Variants in BCAT1 observed in about 807,000 individuals in gnomAD.
The protein encoded by BCAT1 is branched chain amino acid transaminase 1, also known as branched-chain-amino-acid aminotransferase, cytosolic.
A neutral mutation model predicts 52.4 loss-of-function variants in BCAT1; 48 were observed. The ratio of observed to expected loss-of-function variants is 0.92; its 90% CI spans 0.73 to 1.16. BCAT1 has a LOEUF of 1.16. Among genes scored for constraint, BCAT1 ranks in the 50% most tolerant of loss-of-function variants. BCAT1 has a pLI of 0.00. For synonymous variants in BCAT1, 167 were observed against 161.3 expected (o/e 1.04, Z -0.27); for missense variants, 451 against 457.1 (o/e 0.99, Z 0.12).
chr12:24,837,625 C>T (rs1670094039), intron 7 of BCAT1, among the ~76,000 whole-genome samples: 1 of 151,852 alleles, frequency 6.6e-6, no homozygotes, highest in Admixed American at 6.6e-5. Flanking sequence ...CGGGGTTTCA[C>T]CATGTTGGTC....
chr12:24,832,159 C>G (rs1452141101), intron 9 of BCAT1, among the ~76,000 whole-genome samples: 1 of 152,136 alleles, frequency 6.6e-6, no homozygotes, highest in Admixed American at 6.5e-5. Context: ...AATGTAACTA[C>G]CTATAGAGCC....
chr12:24,895,028 A>G (rs887173297), intron 2 of BCAT1, among the ~76,000 whole-genome samples: 1 of 152,230 alleles, frequency 6.6e-6, no homozygotes, highest in Non-Finnish European at 1.5e-5. Flanking sequence ...AAAACAGGAA[A>G]GTTGAGAATG....
At chr12:24,847,501 C>T (rs1358363690) in intron 6 of BCAT1, among the ~76,000 whole-genome samples, 1 of 151,928 alleles carries the variant, frequency 6.6e-6, no homozygotes, top group Admixed American at 6.6e-5. Flanking sequence ...TTTCTGACTT[C>T]AAAGCTTGTA....
At chr12:24,938,548 A>T (rs1943802177) in intron 1 of BCAT1, among the ~76,000 whole-genome samples, 1 of 152,128 alleles carries the variant, frequency 6.6e-6, no homozygotes, top group African/African-American at 2.4e-5. Flanking sequence ...TTTAAGTCCC[A>T]GTGGTGTATT....
At chr12:24,874,924 T>C (rs1942285560) in intron 5 of BCAT1, among the ~76,000 whole-genome samples, 1 of 151,306 alleles carries the variant, frequency 6.6e-6, no homozygotes, top group African/African-American at 2.4e-5. Context: ...AAATATCTCT[T>C]GGACATAAGA....
At chr12:24,882,322 A>C (rs1942527346) in intron 3 of BCAT1, among the ~76,000 whole-genome samples, 1 of 152,226 alleles carries the variant, frequency 6.6e-6, no homozygotes, top group Admixed American at 6.5e-5. Context: ...GAAATTAGAA[A>C]ATAAGTTAAA....
intron 4 of BCAT1, 125 bp downstream of exon 4, chr12:24,881,176 A>T: frequency 1.4e-6 from 1 of 697,230 alleles, no homozygotes; most frequent in South Asian, 2.2e-5. Context: ...ATCAGAAATA[A>T]TGTTAATGTT....
intron 3 of BCAT1, among the ~76,000 whole-genome samples, chr12:24,888,355 C>T (rs748510942): frequency 2.6e-5 from 4 of 152,002 alleles, no homozygotes; most frequent in Admixed American, 6.6e-5. Flanking sequence ...AAAAATTAGC[C>T]GGGCATGGTG....
At chr12:24,819,916 CT>C (rs915688565) in intron 10 of BCAT1, among the ~76,000 whole-genome samples, 2 of 152,152 alleles carry the variant, frequency 1.3e-5, no homozygotes, top group Non-Finnish European at 2.9e-5. Flanking sequence ...CAAATTCTAC[CT>C]GATTTATGTA....
intron 2 of BCAT1, among the ~76,000 whole-genome samples, chr12:24,897,934 T>C (rs1436972107): frequency 6.6e-6 from 1 of 152,004 alleles, no homozygotes; most frequent in African/African-American, 2.4e-5. Flanking sequence ...GAAAAAAAAA[T>C]TCTGCAACTC....
At chr12:24,910,389 A>C (rs1943302543) in intron 1 of BCAT1, among the ~76,000 whole-genome samples, 1 of 49,070 alleles carries the variant, frequency 2.0e-5, no homozygotes, top group African/African-American at 4.4e-5. Context: ...AAATAAATAA[A>C]TAAATAAATA....
intron 3 of BCAT1, among the ~76,000 whole-genome samples, chr12:24,891,830 A>G (rs943234778): frequency 7.3e-5 from 11 of 151,110 alleles, no homozygotes; most frequent in African/African-American, 2.4e-4. Flanking sequence ...CTCACTGCAA[A>G]CTCCGCCTCC....
chr12:24,855,782 T>C (rs985079830), intron 5 of BCAT1, among the ~76,000 whole-genome samples: 1 of 151,850 alleles, frequency 6.6e-6, no homozygotes, highest in African/African-American at 2.4e-5. Flanking sequence ...ATTTTTTTTC[T>C]TTTTCTTTTT....
At chr12:24,861,110 T>G (rs1941837736) in intron 5 of BCAT1, among the ~76,000 whole-genome samples, 1 of 152,230 alleles carries the variant, frequency 6.6e-6, no homozygotes, top group African/African-American at 2.4e-5. Context: ...GAAACTATGG[T>G]ATACTTGTTA....
chr12:24,859,413 G>T (rs1941786646), intron 5 of BCAT1, among the ~76,000 whole-genome samples: 1 of 152,104 alleles, frequency 6.6e-6, no homozygotes, highest in East Asian at 1.9e-4. Context: ...GAGGTCAGAA[G>T]ATGGAGACCA....
At chr12:24,832,204 A>G (rs1203256046) in intron 9 of BCAT1, among the ~76,000 whole-genome samples, 3 of 152,216 alleles carry the variant, frequency 2.0e-5, no homozygotes, top group African/African-American at 4.8e-5. Flanking sequence ...AAGAGAGAAG[A>G]GTAGAAGACT....
chr12:24,912,852 T>A (rs1296242999), intron 1 of BCAT1, among the ~76,000 whole-genome samples: 4 of 152,196 alleles, frequency 2.6e-5, no homozygotes, highest in African/African-American at 9.7e-5. Flanking sequence ...TACTTCCCCA[T>A]CACTTTCTTC....
intron 1 of BCAT1, among the ~76,000 whole-genome samples, chr12:24,948,546 C>T (rs987007502): frequency 7.9e-5 from 12 of 152,196 alleles, no homozygotes; most frequent in Admixed American, 3.3e-4. Flanking sequence ...GCATTTACAG[C>T]CCGGGACATC....
chr12:24,935,664 T>C (rs1943741927), intron 1 of BCAT1, among the ~76,000 whole-genome samples: 1 of 152,218 alleles, frequency 6.6e-6, no homozygotes, highest in African/African-American at 2.4e-5. Flanking sequence ...TACCTCAATT[T>C]ATCCCTTTTT....
Sources: allele counts gnomAD v4.1 joint callset (sites outside exome capture counted in the v4.1 genomes callset), GRCh38; gene constraint gnomAD v4.1.1; transcripts MANE v1.5; gene names NCBI Gene and HGNC (gene_info 2026-07-23, HGNC 2026-07-21).